Variants in IPO11 observed in about 807,000 individuals in gnomAD.
The protein encoded by IPO11 is importin 11, also known as importin-11.
Under a neutral mutation model 143.2 loss-of-function variants are expected in IPO11, and 66 were observed. The ratio of observed to expected loss-of-function variants is 0.46; its 90% CI spans 0.38 to 0.57. The LOEUF is 0.57. IPO11 is among the 20% of genes least tolerant of loss of function. The pLI is 0.00. For synonymous variants in IPO11, 385 were observed against 377.8 expected, an observed-to-expected ratio of 1.02 and a Z score of -0.22; for missense variants, 1,026 against 1,141.0, an observed-to-expected ratio of 0.90 and a Z score of 1.45.
At chr5:62,510,112 T>C (rs528083398) in intron 19 of IPO11, among the ~76,000 whole-genome samples, 10 of 152,364 alleles carry the variant, frequency 6.6e-5, no homozygotes, top group Admixed American at 2.6e-4. Flanking sequence ...CATGAGGTGA[T>C]ATCTCATTGT....
intron 26 of IPO11, among the ~76,000 whole-genome samples, chr5:62,553,653 T>C (rs1316054120): frequency 1.3e-5 from 2 of 152,250 alleles, no homozygotes; most frequent in East Asian, 3.9e-4. Context: ...CCAGCATTTT[T>C]TTTTTTTTGC....
At position 62,506,353 on chromosome 5, in the gene IPO11, T is replaced by C. The variant is rs1383507653; in HGVS notation, c.1778T>C (p.Met593Thr). ...VLSCVIERVN[M>T]QIRPYVGCLV... ...TCTTGTGTGATCGAAAGAGTCAACA[T>C]GCAGGTAATTATATTGTAAAACATG... is the stretch of plus-strand genomic sequence containing the variant. The change falls in exon 19 of 30, where the codon ATG becomes ACG. Residue 593 changes from methionine to threonine, a missense_variant. This residue lies in a region of IPO11 where 237 missense variants were observed against 288.0 expected (regional missense o/e 0.82). Coordinates refer to ENST00000325324, the MANE Select transcript of IPO11 (RefSeq NM_016338.5). 2 of 1,563,176 alleles carry C rather than the reference T, an allele frequency of 1.3e-6. No individual in the cohort carries two copies. The highest frequency in any genetic ancestry group is 2.2e-5 in the East Asian group (1 of 44,588).
intron 22 of IPO11, 43 bp downstream of exon 22, chr5:62,530,828 C>A: frequency 1.4e-6 from 2 of 1,458,100 alleles, no homozygotes; most frequent in Non-Finnish European, 1.9e-6. Flanking sequence ...TTGAATGCAA[C>A]CATAATTGGG....
At chr5:62,553,342 G>GTGTGTT (rs750983376) in intron 26 of IPO11, among the ~76,000 whole-genome samples, 3 of 121,754 alleles carry the variant, frequency 2.5e-5, no homozygotes, top group East Asian at 2.1e-4. Flanking sequence ...GTGTGTGTGT[G>GTGTGTT]TGTGTGTGTG....
chr5:62,487,717 G>A, intron 12 of IPO11, 54 bp from the exon 13 acceptor site: 3 of 1,402,782 alleles, frequency 2.1e-6, no homozygotes, highest in South Asian at 1.9e-5. Context: ...TAAAGAATTA[G>A]TCAATATAGT....
At chr5:62,514,051 G>A (rs551069833) in intron 19 of IPO11, among the ~76,000 whole-genome samples, 2 of 151,032 alleles carry the variant, frequency 1.3e-5, no homozygotes, top group South Asian at 2.1e-4. Flanking sequence ...GGGACGAGGC[G>A]CTCCTCACTT....
In IPO11 at chr5:62,548,693, C is replaced by G. The variant is rs2112345197; in HGVS notation, c.2251-1674C>G. Among the ~76,000 whole-genome samples the G allele has an allele frequency of 1.3e-5, 2 of 152,134 alleles. 1 individual carries two copies. The highest frequency in any genetic ancestry group is 6.8e-3 in the Middle Eastern group (2 of 294). On this transcript the variant is annotated intron_variant, in intron 24 of 29. Transcript: ENST00000325324. ...TTCTCCTTCCCAAAAGTATAAGATT[C>G]TGCTACTTTCTGTGTTTTTTGGAGT...
chr5:62,413,304 G>A (rs1488180059), intron 1 of IPO11: 1 of 152,334 alleles, frequency 6.6e-6, no homozygotes, highest in Admixed American at 6.5e-5. Context: ...TCGAGTATAA[G>A]ACCGTTGTGC....
intron 19 of IPO11, among the ~76,000 whole-genome samples, chr5:62,512,918 C>G (rs1454315877): frequency 2.1e-5 from 3 of 141,656 alleles, no homozygotes; most frequent in African/African-American, 7.8e-5. Context: ...CATAGATCAA[C>G]AAGATCCCAA....
chr5:62,426,736 G>T lies in IPO11; in HGVS notation c.-6-10538G>T, dbSNP rs1743756007. ...TTAACACAACTATTGTTTATAATTT[G>T]ATGTGTTTACTGCTTGTCTTTTTGT... is the stretch of plus-strand genomic sequence containing the variant. On this transcript the variant is annotated intron_variant, in intron 1 of 29. Transcript: ENST00000325324. 1.3e-5 allele frequency among the ~76,000 whole-genome samples: 2 copies of T among 150,884 alleles called. 1 individual carries two copies. Among genetic ancestry groups the T allele is most frequent in the South Asian group, 4.2e-4 (2 of 4,802 alleles).
intron 23 of IPO11, 97 bp downstream of exon 23, chr5:62,536,878 G>T (rs1005104633): frequency 4.1e-6 from 5 of 1,217,022 alleles, no homozygotes; most frequent in Admixed American, 7.6e-5. Flanking sequence ...TTTAAGATTG[G>T]TCTGTTATTT....
intron 28 of IPO11, among the ~76,000 whole-genome samples, chr5:62,594,464 A>G (rs1745141880): frequency 6.6e-6 from 1 of 152,208 alleles, no homozygotes; most frequent in African/African-American, 2.4e-5. Flanking sequence ...AAGCAGCCAG[A>G]GGATGAATTC....
chr5:62,435,034 AT>A (rs755216390), intron 1 of IPO11, among the ~76,000 whole-genome samples: 30 of 145,310 alleles, frequency 2.1e-4, no homozygotes, highest in South Asian at 6.4e-4. Flanking sequence ...CAAAAAAAAA[AT>A]ATATATGTAT....
At chr5:62,534,201 T>C (rs1742658448) in intron 22 of IPO11, among the ~76,000 whole-genome samples, 1 of 152,180 alleles carries the variant, frequency 6.6e-6, no homozygotes, top group Non-Finnish European at 1.5e-5. Flanking sequence ...TCTAATGGCT[T>C]TTTTTCTTTA....
At chr5:62,603,193 C>G (rs1745569880) in intron 29 of IPO11, among the ~76,000 whole-genome samples, 1 of 152,148 alleles carries the variant, frequency 6.6e-6, no homozygotes, top group East Asian at 1.9e-4. Flanking sequence ...CAAAACACTT[C>G]TAATATTTAA....
At chr5:62,493,430 G>A (rs1413868248) in intron 15 of IPO11, among the ~76,000 whole-genome samples, 2 of 151,994 alleles carry the variant, frequency 1.3e-5, no homozygotes, top group African/African-American at 4.8e-5. Flanking sequence ...CCTACATTGC[G>A]GTTCTTTAAG....
intron 7 of IPO11, among the ~76,000 whole-genome samples, chr5:62,471,899 T>C (rs940179766): frequency 3.3e-5 from 5 of 152,232 alleles, no homozygotes; most frequent in Non-Finnish European, 7.3e-5. Context: ...CTAATCTCTT[T>C]AGGATAAATT....
intron 4 of IPO11, among the ~76,000 whole-genome samples, chr5:62,450,783 T>C (rs1744892180): frequency 6.6e-6 from 1 of 151,778 alleles, no homozygotes; most frequent in Non-Finnish European, 1.5e-5. Context: ...AGCTTTATCT[T>C]TTTTTTTATA....
At chr5:62,477,350 G>A (rs1275876817) in intron 9 of IPO11, among the ~76,000 whole-genome samples, 1 of 152,138 alleles carries the variant, frequency 6.6e-6, no homozygotes, top group Non-Finnish European at 1.5e-5. Flanking sequence ...AAGACAGGTG[G>A]GAACAACTAA....
Sources: gnomAD v4.1 joint callset for allele counts (sites outside exome capture counted in the v4.1 genomes callset) on GRCh38, gnomAD v4.1.1 for gene constraint, gnomAD v4.1.1 regional missense constraint, MANE v1.5 for transcripts, NCBI Gene and HGNC (gene_info 2026-07-23, HGNC 2026-07-21) for gene names.